Variants in MECOM observed in about 807,000 individuals in gnomAD.
The protein encoded by MECOM is MDS1 and EVI1 complex locus, also known as histone-lysine N-methyltransferase MECOM.
MECOM carries 13 observed loss-of-function variants against 116.3 expected under a neutral mutation model. That is an observed-to-expected ratio of 0.11 (90% CI 0.07 to 0.18). The LOEUF is 0.18. MECOM is among the 10% of genes least tolerant of loss of function. MECOM has a pLI of 1.00. For missense variants in MECOM, 1,299 were observed against 1,509.0 expected (o/e 0.86, Z 2.31); for synonymous variants, 528 against 535.2 (o/e 0.99, Z 0.19).
chr3:169,633,155 A>G (rs1772295189), intron 1 of MECOM, among the ~76,000 whole-genome samples: 1 of 152,186 alleles, frequency 6.6e-6, no homozygotes, highest in South Asian at 2.1e-4. Flanking sequence ...GTTCCAAGCC[A>G]TTGAAACTCA....
Position 169,404,287 on chromosome 3 carries a change from G to GCA in MECOM, c.38-22765_38-22764dup, listed in dbSNP as rs376208224. 3.1e-4 allele frequency among the ~76,000 whole-genome samples: 47 copies of GCA among 151,064 alleles called. 1 individual carries two copies. Among genetic ancestry groups the GCA allele is most frequent in the African/African-American group, 9.5e-4 (39 of 41,184 alleles). ...TATTGGTTGTCTCTCTGCAAAATAT[G>GCA]CACACACACACACACCACCACACAA... On this transcript the variant is annotated intron_variant, in intron 1 of 16. Coordinates refer to ENST00000651503, the MANE Select transcript of MECOM (RefSeq NM_004991.4).
At chr3:169,208,207 A>ATATG (rs1553768195) in intron 2 of MECOM, among the ~76,000 whole-genome samples, 7 of 147,962 alleles carry the variant, frequency 4.7e-5, no homozygotes, top group African/African-American at 7.5e-5. Flanking sequence ...ATATATATAT[A>ATATG]TGTGTGTGTG....
chr3:169,627,251 G>A (rs968918300), intron 1 of MECOM, among the ~76,000 whole-genome samples: 14 of 152,172 alleles, frequency 9.2e-5, no homozygotes, highest in Non-Finnish European at 1.5e-4. Context: ...AGGGAGATGC[G>A]AAAGTCATTT....
intron 2 of MECOM, among the ~76,000 whole-genome samples, chr3:169,364,471 G>A (rs969283408): frequency 1.3e-5 from 2 of 151,968 alleles, no homozygotes; most frequent in African/African-American, 2.4e-5. Context: ...GACATAGGTT[G>A]ATTATCACGA....
chr3:169,586,950 A>T (rs1045697841), intron 1 of MECOM, among the ~76,000 whole-genome samples: 1 of 152,204 alleles, frequency 6.6e-6, no homozygotes, highest in African/African-American at 2.4e-5. Flanking sequence ...GGTAATATTA[A>T]GTCACATTTA....
intron 1 of MECOM, among the ~76,000 whole-genome samples, chr3:169,408,999 A>G (rs1737147191): frequency 6.6e-6 from 1 of 152,208 alleles, no homozygotes; most frequent in Non-Finnish European, 1.5e-5. Flanking sequence ...TTAAATAATA[A>G]ACTCACAGAC....
intron 1 of MECOM, among the ~76,000 whole-genome samples, chr3:169,584,346 A>G (rs1765488136): frequency 6.6e-6 from 1 of 151,764 alleles, no homozygotes; most frequent in East Asian, 1.9e-4. Context: ...CGGGCGGATC[A>G]CGAGGTCTGG....
intron 2 of MECOM, among the ~76,000 whole-genome samples, chr3:169,284,636 T>C: frequency 6.6e-6 from 1 of 151,940 alleles, no homozygotes; most frequent in Admixed American, 6.6e-5. Context: ...TATCCATATA[T>C]ATATGCTAAG....
chr3:169,509,122 C>T (rs1755646839), intron 1 of MECOM, among the ~76,000 whole-genome samples: 1 of 152,130 alleles, frequency 6.6e-6, no homozygotes, highest in Non-Finnish European at 1.5e-5. Flanking sequence ...TCCCCAAAAG[C>T]TCAGTAGAAA....
intron 1 of MECOM, among the ~76,000 whole-genome samples, chr3:169,523,656 T>A (rs1047839686): frequency 1.3e-5 from 2 of 152,080 alleles, no homozygotes; most frequent in Non-Finnish European, 2.9e-5. Flanking sequence ...CTGTTTATTA[T>A]CTATGCAATG....
At chr3:169,193,214 A>T (rs566554767) in intron 2 of MECOM, among the ~76,000 whole-genome samples, 2 of 152,170 alleles carry the variant, frequency 1.3e-5, no homozygotes, top group Admixed American at 1.3e-4. Context: ...TACTGAATGG[A>T]CAAAGACTTG....
At chr3:169,608,475 G>T (rs1023994631) in intron 1 of MECOM, among the ~76,000 whole-genome samples, 9 of 152,206 alleles carry the variant, frequency 5.9e-5, no homozygotes, top group African/African-American at 9.6e-5. Context: ...GAGTCAGCCT[G>T]GTGTTTTTTC....
intron 1 of MECOM, among the ~76,000 whole-genome samples, chr3:169,541,331 C>T (rs1025274658): frequency 1.3e-5 from 2 of 152,176 alleles, no homozygotes; most frequent in African/African-American, 4.8e-5. Flanking sequence ...TTCAGTTTCA[C>T]ATCTTTTCTA....
intron 1 of MECOM, among the ~76,000 whole-genome samples, chr3:169,510,154 G>A (rs924058384): frequency 2.0e-5 from 3 of 152,140 alleles, no homozygotes; most frequent in African/African-American, 4.8e-5. Context: ...GTCTACTCAC[G>A]GCATCCAGAT....
intron 1 of MECOM, among the ~76,000 whole-genome samples, chr3:169,400,469 TG>T (rs1177757459): frequency 6.6e-6 from 1 of 152,224 alleles, no homozygotes; most frequent in African/African-American, 2.4e-5. Context: ...AACATACATT[TG>T]TTTGATTGAG....
intron 1 of MECOM, among the ~76,000 whole-genome samples, chr3:169,559,334 A>G (rs1312141720): frequency 1.3e-5 from 2 of 152,224 alleles, no homozygotes; most frequent in African/African-American, 4.8e-5. Flanking sequence ...CAAACAATAC[A>G]TTAAAAATTA....
intron 1 of MECOM, among the ~76,000 whole-genome samples, chr3:169,619,760 G>A (rs943070517): frequency 6.6e-6 from 1 of 152,100 alleles, no homozygotes; most frequent in African/African-American, 2.4e-5. Flanking sequence ...ATTTTCCTCA[G>A]AATATGAAAA....
intron 10 of MECOM, 127 bp from the exon 11 acceptor site, chr3:169,102,353 A>G (rs1723876909): frequency 1.4e-6 from 1 of 697,878 alleles, no homozygotes. Flanking sequence ...AAGAGACTGT[A>G]GTATCCCAAT....
At chr3:169,231,335 A>G (rs1270964730) in intron 2 of MECOM, among the ~76,000 whole-genome samples, 2 of 152,192 alleles carry the variant, frequency 1.3e-5, no homozygotes, top group Non-Finnish European at 2.9e-5. Flanking sequence ...TACTGGGGAT[A>G]AGGAAGTCTA....
Sources: allele counts gnomAD v4.1 joint callset (sites outside exome capture counted in the v4.1 genomes callset), GRCh38; gene constraint gnomAD v4.1.1; transcripts MANE v1.5; gene names NCBI Gene and HGNC (gene_info 2026-07-23, HGNC 2026-07-21).